MACROD2: variants seen among roughly 807,000 people sequenced by gnomAD.
The protein encoded by MACROD2 is mono-ADP ribosylhydrolase 2.
MACROD2 carries 36 observed loss-of-function variants against 70.4 expected under a neutral mutation model. That is an observed-to-expected ratio of 0.51 (90% CI 0.39 to 0.68). The LOEUF (loss-of-function observed/expected upper bound fraction) is 0.68, where lower values mean the gene tolerates loss of function less well. Among genes scored for constraint, MACROD2 ranks in the 30% least tolerant of loss-of-function variants. The probability of loss-of-function intolerance (pLI) is 0.00; values close to 1 mark genes in which losing one functional copy is unlikely to be tolerated. For synonymous variants in MACROD2, 172 were observed against 178.8 expected, an observed-to-expected ratio of 0.96 and a Z score of 0.30; for missense variants, 496 against 538.4, an observed-to-expected ratio of 0.92 and a Z score of 0.78.
rs1378183244 is a variant in MACROD2, at chr20:16,045,377, G to A, written c.1300+738G>A. Among the ~76,000 whole-genome samples, 3 of 152,110 alleles carry A rather than the reference G, an allele frequency of 2.0e-5. 1 individual carries two copies. Among genetic ancestry groups the A allele is most frequent in the Admixed American group, 2.0e-4 (3 of 15,256 alleles). ...CAAAGCCAGTACTGCTTGCTTCATG[G>A]CAGCCAATACATCAAGAGACAACGT... On this transcript the variant is annotated intron_variant, in intron 17 of 17. Transcript: ENST00000684519.
intron 8 of MACROD2, among the ~76,000 whole-genome samples, chr20:15,800,691 T>C (rs1304632167): frequency 1.3e-5 from 2 of 152,086 alleles, no homozygotes; most frequent in Non-Finnish European, 2.9e-5. Context: ...GGAGGTGTAC[T>C]CAACAGCTCA....
At chr20:14,949,978 A>G (rs1480340776) in intron 5 of MACROD2, among the ~76,000 whole-genome samples, 3 of 152,160 alleles carry the variant, frequency 2.0e-5, no homozygotes, top group Admixed American at 6.5e-5. Context: ...GCTCAAGTGC[A>G]TGTCAGGGCA....
intron 7 of MACROD2, among the ~76,000 whole-genome samples, chr20:15,474,148 G>A (rs952848060): frequency 2.0e-5 from 3 of 152,170 alleles, no homozygotes; most frequent in African/African-American, 7.2e-5. Context: ...TTAAGATAGT[G>A]CATATCTCAT....
At chr20:14,521,018 A>G (rs912558562) in intron 4 of MACROD2, among the ~76,000 whole-genome samples, 1 of 152,190 alleles carries the variant, frequency 6.6e-6, no homozygotes, top group Non-Finnish European at 1.5e-5. Flanking sequence ...AGTTTTACAG[A>G]AAATTCCTGG....
At chr20:15,581,038 C>T (rs958177605) in intron 8 of MACROD2, among the ~76,000 whole-genome samples, 2 of 152,114 alleles carry the variant, frequency 1.3e-5, no homozygotes, top group African/African-American at 4.8e-5. Flanking sequence ...AGGGACCAGA[C>T]ATGACTGTTT....
intron 5 of MACROD2, among the ~76,000 whole-genome samples, chr20:14,996,530 C>T (rs2074950886): frequency 6.6e-6 from 1 of 152,180 alleles, no homozygotes; most frequent in African/African-American, 2.4e-5. Flanking sequence ...AAAGCACCTT[C>T]ATGAGAACCG....
chr20:15,887,272 C>A (rs573359438), intron 10 of MACROD2, among the ~76,000 whole-genome samples: 27 of 152,218 alleles, frequency 1.8e-4, no homozygotes, highest in African/African-American at 6.5e-4. Flanking sequence ...TTCATTGGAA[C>A]AAGGATTATA....
At chr20:15,732,383 T>C (rs925763118) in intron 8 of MACROD2, among the ~76,000 whole-genome samples, 1 of 152,152 alleles carries the variant, frequency 6.6e-6, no homozygotes, top group East Asian at 1.9e-4. Context: ...TAGGGTTTCC[T>C]AGGAAATGGA....
At chr20:15,719,850 T>C (rs1192712806) in intron 8 of MACROD2, among the ~76,000 whole-genome samples, 1 of 152,170 alleles carries the variant, frequency 6.6e-6, no homozygotes, top group Non-Finnish European at 1.5e-5. Flanking sequence ...CAATATCTTT[T>C]TAATTACTAC....
chr20:15,180,463 A>G (rs952938196), intron 5 of MACROD2, among the ~76,000 whole-genome samples: 3 of 152,242 alleles, frequency 2.0e-5, no homozygotes, highest in Non-Finnish European at 2.9e-5. Flanking sequence ...AATTAATATC[A>G]TGTAATGTTT....
At chr20:14,228,652 A>G (rs2081769284) in intron 3 of MACROD2, among the ~76,000 whole-genome samples, 1 of 152,240 alleles carries the variant, frequency 6.6e-6, no homozygotes, top group African/African-American at 2.4e-5. Flanking sequence ...AAAAACGTAT[A>G]GTCCTTGATT....
chr20:15,486,670 A>C (rs1204334591), intron 7 of MACROD2, among the ~76,000 whole-genome samples: 1 of 152,192 alleles, frequency 6.6e-6, no homozygotes, highest in Non-Finnish European at 1.5e-5. Flanking sequence ...TGAAGGATTT[A>C]TTATGCAGAG....
In MACROD2 at chr20:15,590,959, AAAAG is replaced by A. The variant is rs146525368; in HGVS notation, c.645+91132_645+91135del. On this transcript the variant is annotated intron_variant, in intron 8 of 17. Transcript: ENST00000684519. ...GGAAAGAGAGAGAAAGAAAGAAAGA[AAAAG>A]AAAGAAAGAAAGAAAGAAAAGAAGA... Among the ~76,000 whole-genome samples the A allele has an allele frequency of 2.1e-3, 315 of 149,504 alleles. 1 individual carries two copies. Among genetic ancestry groups the A allele is most frequent in the African/African-American group, 5.6e-3 (229 of 41,030 alleles).
intron 4 of MACROD2, among the ~76,000 whole-genome samples, chr20:14,615,597 A>G (rs1330336181): frequency 6.6e-6 from 1 of 152,076 alleles, no homozygotes. Context: ...GGTATGAAGT[A>G]TAGATTTGTG....
intron 3 of MACROD2, among the ~76,000 whole-genome samples, chr20:14,091,727 G>A (rs528588544): frequency 1.3e-5 from 2 of 152,154 alleles, no homozygotes; most frequent in South Asian, 4.1e-4. Context: ...CATTCAGATT[G>A]TATTAATGAA....
At chr20:15,020,669 G>A (rs1936067355) in intron 5 of MACROD2, among the ~76,000 whole-genome samples, 1 of 151,954 alleles carries the variant, frequency 6.6e-6, no homozygotes, top group African/African-American at 2.4e-5. Context: ...GGCTATACTG[G>A]TATAGTCTAT....
intron 5 of MACROD2, among the ~76,000 whole-genome samples, chr20:14,913,079 G>A (rs947541827): frequency 1.1e-4 from 16 of 152,184 alleles, no homozygotes; most frequent in African/African-American, 1.2e-4. Context: ...GTGCACATGC[G>A]TGTATGTGTG....
chr20:14,006,648 A>G (rs915189793), intron 2 of MACROD2, among the ~76,000 whole-genome samples: 1 of 152,206 alleles, frequency 6.6e-6, no homozygotes, highest in African/African-American at 2.4e-5. Context: ...GATCTAATCA[A>G]GGTCCATATA....
chr20:15,533,228 G>A (rs1034057345), intron 8 of MACROD2, among the ~76,000 whole-genome samples: 4 of 152,156 alleles, frequency 2.6e-5, no homozygotes, highest in Non-Finnish European at 5.9e-5. Flanking sequence ...CATTCTAAAA[G>A]TTTAATGCCA....
Sources: gnomAD v4.1 joint callset for allele counts (sites outside exome capture counted in the v4.1 genomes callset) on GRCh38, gnomAD v4.1.1 for gene constraint, MANE v1.5 for transcripts, NCBI Gene and HGNC (gene_info 2026-07-23, HGNC 2026-07-21) for gene names.